The following RBFOX1 variants were observed in gnomAD, a reference collection of about 807,000 sequenced individuals.
RBFOX1 encodes RNA binding fox-1 homolog 1.
In RBFOX1, 8 loss-of-function variants were observed where a neutral mutation model predicts 57.7. The observed-to-expected ratio is 0.14, with a 90% CI of 0.08 to 0.25. The LOEUF (loss-of-function observed/expected upper bound fraction) is 0.25. Among genes scored for constraint, RBFOX1 ranks in the 10% least tolerant of loss-of-function variants. The probability of loss-of-function intolerance (pLI) is 1.00; values close to 1 mark genes in which losing one functional copy is unlikely to be tolerated. For synonymous variants in RBFOX1, 326 were observed against 222.4 expected (o/e 1.47, Z -4.15); for missense variants, 611 against 548.5 (o/e 1.11, Z -1.14).
At chr16:7,357,160 A>G (rs1252194882) in intron 4 of RBFOX1, among the ~76,000 whole-genome samples, 1 of 152,008 alleles carries the variant, frequency 6.6e-6, no homozygotes, top group Non-Finnish European at 1.5e-5. Context: ...GCATGTAGGA[A>G]CACAAGGATT....
intron 4 of RBFOX1, among the ~76,000 whole-genome samples, chr16:6,007,020 C>T (rs2094931744): frequency 6.6e-6 from 1 of 152,260 alleles, no homozygotes; most frequent in East Asian, 1.9e-4. Flanking sequence ...TACCCTCTCT[C>T]CCCATCCTTT....
intron 3 of RBFOX1, among the ~76,000 whole-genome samples, chr16:6,908,611 G>C (rs75493874): frequency 0.019 from 2,872 of 152,280 alleles, 82 homozygotes; most frequent in African/African-American, 0.065. Context: ...CCGTGATTTA[G>C]GTGGAAATGG....
chr16:5,623,991 A>G (rs538228880), intron 3 of RBFOX1, among the ~76,000 whole-genome samples: 3 of 152,318 alleles, frequency 2.0e-5, no homozygotes, highest in Admixed American at 6.5e-5. Flanking sequence ...TCCCATACCA[A>G]GGCTTTTGCA....
intron 3 of RBFOX1, among the ~76,000 whole-genome samples, chr16:6,901,131 T>C (rs7184638): frequency 0.28 from 43,027 of 151,966 alleles, 7,518 homozygotes; most frequent in African/African-American, 0.5. Flanking sequence ...GCTTTGTGTT[T>C]CCTGTTAGAC....
At chr16:6,858,308 G>C (rs2058285073) in intron 3 of RBFOX1, among the ~76,000 whole-genome samples, 2 of 152,174 alleles carry the variant, frequency 1.3e-5, no homozygotes, top group Admixed American at 1.3e-4. Flanking sequence ...TGAGAGACTA[G>C]ATTAGGATAT....
chr16:5,379,970 C>T (rs1253037716), intron 1 of RBFOX1, among the ~76,000 whole-genome samples: 1 of 152,196 alleles, frequency 6.6e-6, no homozygotes, highest in Admixed American at 6.5e-5. Context: ...GGCAGGTGCC[C>T]TTGTTGGCTG....
intron 3 of RBFOX1, among the ~76,000 whole-genome samples, chr16:6,733,401 C>T (rs949385731): frequency 1.3e-5 from 2 of 152,170 alleles, no homozygotes; most frequent in Non-Finnish European, 2.9e-5. Context: ...AAAGCCTGTG[C>T]CTGTCAGCTG....
chr16:7,106,310 G>C (rs1468924831), intron 4 of RBFOX1, among the ~76,000 whole-genome samples: 1 of 152,132 alleles, frequency 6.6e-6, no homozygotes, highest in Non-Finnish European at 1.5e-5. Flanking sequence ...ATTCATCCTG[G>C]TCAGAGAATG....
At chr16:6,412,137 AAAAAAAACAAAAAAAC>A (rs900812828) in intron 2 of RBFOX1, among the ~76,000 whole-genome samples, 6 of 144,546 alleles carry the variant, frequency 4.2e-5, no homozygotes, top group South Asian at 2.1e-4. Flanking sequence ...CATGTAAAAA[AAAAAAAACAAAAAAAC>A]AAAAAAACAA....
chr16:6,905,230 C>A (rs149831564), intron 3 of RBFOX1, among the ~76,000 whole-genome samples: 2 of 151,600 alleles, frequency 1.3e-5, no homozygotes, highest in Non-Finnish European at 2.9e-5. Context: ...TCCTAGCTAA[C>A]AGTCTCTGTA....
chr16:6,822,615 C>G (rs1245104181), intron 3 of RBFOX1, among the ~76,000 whole-genome samples: 1 of 152,192 alleles, frequency 6.6e-6, no homozygotes, highest in African/African-American at 2.4e-5. Context: ...TAAGTTATGG[C>G]AGATGAAGCT....
chr16:5,504,804 G>A (rs1183341120), intron 2 of RBFOX1, among the ~76,000 whole-genome samples: 1 of 152,184 alleles, frequency 6.6e-6, no homozygotes, highest in East Asian at 1.9e-4. Flanking sequence ...GGGAGTAACT[G>A]GCCATGAGCG....
At chr16:6,510,069 A>G (rs2096219083) in intron 2 of RBFOX1, among the ~76,000 whole-genome samples, 2 of 152,112 alleles carry the variant, frequency 1.3e-5, no homozygotes. Context: ...CTGTCTTCCT[A>G]GGGATGCTTA....
At chr16:6,817,452 G>A (rs189448938) in intron 3 of RBFOX1, among the ~76,000 whole-genome samples, 2 of 150,422 alleles carry the variant, frequency 1.3e-5, no homozygotes, top group Admixed American at 6.7e-5. Context: ...CCAACGCTTT[G>A]TGAGGCAGAG....
intron 1 of RBFOX1, among the ~76,000 whole-genome samples, chr16:6,267,643 C>T (rs1350070913): frequency 1.3e-5 from 2 of 151,378 alleles, no homozygotes; most frequent in Non-Finnish European, 3.0e-5. Context: ...CATCAACAAG[C>T]TTCAGTGTTG....
At chr16:7,561,299 T>C (rs1203603816) in intron 5 of RBFOX1, among the ~76,000 whole-genome samples, 2 of 152,232 alleles carry the variant, frequency 1.3e-5, no homozygotes, top group African/African-American at 4.8e-5. Context: ...GCATGGCTTA[T>C]GATGCCCAAC....
At chr16:5,509,877 TTGGCGCAGACGAG>T (rs2043519801) in intron 2 of RBFOX1, among the ~76,000 whole-genome samples, 1 of 152,150 alleles carries the variant, frequency 6.6e-6, no homozygotes. Flanking sequence ...CCCAAGAACC[TTGGCGCAGACGAG>T]TGGAGGATCC....
intron 4 of RBFOX1, among the ~76,000 whole-genome samples, chr16:7,368,959 T>C (rs2097518572): frequency 6.6e-6 from 1 of 151,756 alleles, no homozygotes; most frequent in Non-Finnish European, 1.5e-5. Context: ...TGAATCTTTC[T>C]TTTTTTTAAC....
At chr16:5,513,086 C>T (rs76429223) in intron 2 of RBFOX1, among the ~76,000 whole-genome samples, 1,658 of 152,194 alleles carry the variant, frequency 0.011, 33 homozygotes, top group African/African-American at 0.037. Flanking sequence ...TAGGTTATTT[C>T]TTATTTTTTG....
Sources: gnomAD v4.1 joint callset for allele counts (sites outside exome capture counted in the v4.1 genomes callset) on GRCh38, gnomAD v4.1.1 for gene constraint, MANE v1.5 for transcripts, NCBI Gene and HGNC (gene_info 2026-07-23, HGNC 2026-07-21) for gene names.